ANKRD36C: variants seen among roughly 807,000 people sequenced by gnomAD.
The protein encoded by ANKRD36C is ankyrin repeat domain-containing protein 36C.
A neutral mutation model predicts 276.4 loss-of-function variants in ANKRD36C; 61 were observed. That is an observed-to-expected ratio of 0.22 (90% confidence interval 0.18 to 0.27). The LOEUF (loss-of-function observed/expected upper bound fraction) is 0.27. Among genes scored for constraint, ANKRD36C ranks in the 10% least tolerant of loss-of-function variants. The pLI, the probability that ANKRD36C is intolerant of heterozygous loss-of-function variation, is 1.00. For missense variants in ANKRD36C, 1,447 were observed against 2,032.3 expected (o/e 0.71, Z 5.54); for synonymous variants, 483 against 680.1 (o/e 0.71, Z 4.51).
chr2:95,882,762 T>C (rs1186371598), intron 54 of ANKRD36C, among the ~76,000 whole-genome samples: 1 of 152,138 alleles, frequency 6.6e-6, no homozygotes, highest in Non-Finnish European at 1.5e-5. Context: ...AGTGTCAATA[T>C]CAATGTGGAT....
chr2:95,949,529 T>G (rs1447577796), intron 16 of ANKRD36C, among the ~76,000 whole-genome samples: 1 of 152,268 alleles, frequency 6.6e-6, no homozygotes, highest in African/African-American at 2.4e-5. Context: ...AATTCCATTC[T>G]TATCCACTTT....
At chr2:95,941,567 T>C (rs1311984424) in intron 19 of ANKRD36C, among the ~76,000 whole-genome samples, 1 of 151,680 alleles carries the variant, frequency 6.6e-6, no homozygotes, top group Non-Finnish European at 1.5e-5. Context: ...GGGCAGCATG[T>C]GCAAAAAAAT....
At chr2:95,927,685 T>C (rs1327215598) in intron 26 of ANKRD36C, among the ~76,000 whole-genome samples, 1 of 151,644 alleles carries the variant, frequency 6.6e-6, no homozygotes, top group Admixed American at 6.6e-5. Flanking sequence ...AATGTGGATA[T>C]GCCGAGTGAT....
At chr2:95,869,975 T>C (rs1274324252) in intron 59 of ANKRD36C, among the ~76,000 whole-genome samples, 1 of 152,220 alleles carries the variant, frequency 6.6e-6, no homozygotes, top group African/African-American at 2.4e-5. Context: ...CACCTGCCAT[T>C]GCCCAGGCTT....
At chr2:95,877,002 TC>T (rs1403174164) in intron 58 of ANKRD36C, among the ~76,000 whole-genome samples, 5 of 148,286 alleles carry the variant, frequency 3.4e-5, no homozygotes, top group Non-Finnish European at 7.4e-5. Context: ...GCACTAGATG[TC>T]ACCAGGTTCA....
chr2:95,866,434 C>G (rs1369241077), intron 60 of ANKRD36C, among the ~76,000 whole-genome samples: 3 of 151,534 alleles, frequency 2.0e-5, no homozygotes, highest in Non-Finnish European at 4.4e-5. Context: ...AAATTCAACA[C>G]GTAAGAAAAC....
intron 6 of ANKRD36C, among the ~76,000 whole-genome samples, chr2:95,972,145 C>A (rs2579545): frequency 1.3e-5 from 2 of 152,230 alleles, no homozygotes; most frequent in East Asian, 3.9e-4. Context: ...AAAACTGGCC[C>A]TTTGCTGGTG....
chr2:95,956,307 AG>A (rs1678326021), intron 13 of ANKRD36C, among the ~76,000 whole-genome samples: 1 of 115,656 alleles, frequency 8.6e-6, no homozygotes, highest in Non-Finnish European at 1.9e-5. Context: ...TAAAAAAAAA[AG>A]TAATATGGTT....
At position 95,941,178 on chromosome 2, in the gene ANKRD36C, T is replaced by C. The variant is rs759618271; in HGVS notation, c.1513A>G (p.Thr505Ala). The change falls in exon 20 of 67, where the codon ACT (threonine) becomes GCT (alanine). Residue 505 changes from threonine to alanine, a missense_variant. Thr to Ala is a moderately conservative substitution (Grantham distance 58). This residue lies in a region of ANKRD36C where 5 missense variants were observed against 95.3 expected (regional missense o/e 0.05). Transcript: ENST00000456556. Reference sequence around the variant, plus strand: ...CCAATACCATTTGCTTTTTGTCCAGTTGCTGGTAGTGCTTTTCCTTCCTAT... The same window carrying C: ...CCAATACCATTTGCTTTTTGTCCAGCTGCTGGTAGTGCTTTTCCTTCCTAT... 8.6e-6 allele frequency: 13 copies of C among 1,512,780 alleles called. No individual in the cohort carries two copies. The South Asian group carries it at 1.5e-4, about 18-fold the overall frequency. The allele number at this position is 1,512,780 out of a possible 1,614,324, so 93.7% of individuals were successfully genotyped here.
intron 41 of ANKRD36C, 31 bp from the exon 44 acceptor site, chr2:95,912,347 A>T: frequency 6.2e-7 from 1 of 1,600,254 alleles, no homozygotes; most frequent in South Asian, 1.1e-5. Context: ...AATAATAAAT[A>T]AGGTATGTTT....
At chr2:95,921,197 C>G (rs560597138) in intron 34 of ANKRD36C, among the ~76,000 whole-genome samples, 1 of 150,768 alleles carries the variant, frequency 6.6e-6, no homozygotes, top group South Asian at 2.1e-4. Flanking sequence ...TCTACAGTGT[C>G]TATGGGTTAT....
At chr2:95,862,990 C>T (rs1380759669) in intron 60 of ANKRD36C, among the ~76,000 whole-genome samples, 2 of 151,566 alleles carry the variant, frequency 1.3e-5, no homozygotes, top group Admixed American at 6.6e-5. Flanking sequence ...GTTGTTTGAA[C>T]CAGTCTATGG....
intron 46 of ANKRD36C, 135 bp downstream of exon 66, chr2:95,891,530 T>C: frequency 8.1e-7 from 1 of 1,237,168 alleles, no homozygotes; most frequent in East Asian, 2.5e-5. Context: ...CCCAAGAACT[T>C]ATTTGAAATG....
At chr2:95,870,876 C>T (rs915247572) in intron 59 of ANKRD36C, among the ~76,000 whole-genome samples, 2 of 152,062 alleles carry the variant, frequency 1.3e-5, no homozygotes, top group Non-Finnish European at 2.9e-5. Context: ...AGTGCAGAAG[C>T]CTCAGGAGCC....
chr2:95,867,892 A>G (rs957189203), intron 59 of ANKRD36C, among the ~76,000 whole-genome samples: 3 of 152,042 alleles, frequency 2.0e-5, no homozygotes, highest in African/African-American at 7.2e-5. Context: ...CAATCTATTT[A>G]TACATACAAT....
At chr2:95,956,485 A>C in intron 13 of ANKRD36C, among the ~76,000 whole-genome samples, 1 of 152,240 alleles carries the variant, frequency 6.6e-6, no homozygotes, top group Non-Finnish European at 1.5e-5. Context: ...ATCTATGCTT[A>C]GGGGCAAATG....
intron 6 of ANKRD36C, among the ~76,000 whole-genome samples, chr2:95,963,970 TAA>T (rs1558658618): frequency 2.1e-3 from 103 of 49,180 alleles, no homozygotes; most frequent in African/African-American, 4.4e-3. Context: ...TATATATATA[TAA>T]ATATATATAT....
At chr2:95,927,719 C>T (rs1677447049) in intron 26 of ANKRD36C, among the ~76,000 whole-genome samples, 1 of 151,668 alleles carries the variant, frequency 6.6e-6, no homozygotes, top group African/African-American at 2.4e-5. Context: ...AGGAGTAACT[C>T]ACACACCTGA....
At chr2:95,859,404 T>A (rs1211617994) in intron 61 of ANKRD36C, among the ~76,000 whole-genome samples, 1 of 152,290 alleles carries the variant, frequency 6.6e-6, no homozygotes, top group Admixed American at 6.5e-5. Context: ...AATTATAAAT[T>A]AATATAAACA....
Sources: allele counts gnomAD v4.1 joint callset (sites outside exome capture counted in the v4.1 genomes callset), GRCh38; gene constraint gnomAD v4.1.1; regional missense constraint gnomAD v4.1.1; transcripts MANE v1.5; gene names NCBI Gene and HGNC (gene_info 2026-07-23, HGNC 2026-07-21).